TRPM8: variants seen among roughly 807,000 people sequenced by gnomAD.
TRPM8 encodes TRPM8 cationic channel.
TRPM8 carries 110 observed loss-of-function variants against 133.7 expected under a neutral mutation model. The observed-to-expected ratio is 0.82, with a 90% confidence interval of 0.70 to 0.96. The LOEUF (loss-of-function observed/expected upper bound fraction) is 0.96, where lower values mean the gene tolerates loss of function less well. TRPM8 is among the 40% of genes least tolerant of loss of function. The pLI is 0.00. For synonymous variants in TRPM8, 535 were observed against 532.3 expected (o/e 1.01, Z -0.07); for missense variants, 1,291 against 1,379.5 (o/e 0.94, Z 1.02).
At chr2:233,962,893 T>C (rs930687244) in intron 12 of TRPM8, among the ~76,000 whole-genome samples, 1 of 152,192 alleles carries the variant, frequency 6.6e-6, no homozygotes, top group Non-Finnish European at 1.5e-5. Flanking sequence ...CAGTTTTATG[T>C]TGGGATAATT....
chr2:233,959,576 G>A (rs967416181), intron 11 of TRPM8, among the ~76,000 whole-genome samples: 5 of 152,110 alleles, frequency 3.3e-5, no homozygotes, highest in African/African-American at 1.2e-4. Context: ...CTCCCAAAGT[G>A]CTGGGATTAC....
At chr2:233,927,766 CTTT>C (rs1559516025) in intron 2 of TRPM8, among the ~76,000 whole-genome samples, 52 of 70,090 alleles carry the variant, frequency 7.4e-4, no homozygotes, top group African/African-American at 4.7e-3. Context: ...TTCTTTCTTT[CTTT>C]CTTTCTTTCT....
At chr2:233,981,380 T>C (rs1312724267) in intron 18 of TRPM8, among the ~76,000 whole-genome samples, 1 of 152,068 alleles carries the variant, frequency 6.6e-6, no homozygotes, top group Admixed American at 6.6e-5. Flanking sequence ...TAAGTTTCAT[T>C]AGGGGAAAGC....
intron 12 of TRPM8, among the ~76,000 whole-genome samples, chr2:233,962,870 A>G (rs1184633022): frequency 1.3e-5 from 2 of 152,224 alleles, no homozygotes; most frequent in Non-Finnish European, 2.9e-5. Flanking sequence ...TAACAGTCCA[A>G]AGAAATAAGC....
At chr2:233,970,092 G>A in intron 16 of TRPM8, 118 bp from the exon 17 acceptor site, 2 of 960,076 alleles carry the variant, frequency 2.1e-6, no homozygotes, top group Non-Finnish European at 3.4e-6. Context: ...ACACGGTTTT[G>A]CTCCCGTCTC....
chr2:233,966,477 C>A (rs1691577955), intron 14 of TRPM8, 133 bp from the exon 15 acceptor site: 1 of 1,109,390 alleles, frequency 9.0e-7, no homozygotes, highest in African/African-American at 1.5e-5. Flanking sequence ...ATGGCATTTT[C>A]TATGCCTTTT....
intron 9 of TRPM8, among the ~76,000 whole-genome samples, chr2:233,951,374 A>G (rs2125133364): frequency 6.6e-6 from 1 of 152,328 alleles, no homozygotes; most frequent in Admixed American, 6.5e-5. Flanking sequence ...GAATAAATTC[A>G]GTGGTCAGTT....
intron 1 of TRPM8, among the ~76,000 whole-genome samples, chr2:233,918,357 T>C (rs140985716): frequency 0.034 from 5,091 of 149,964 alleles, 150 homozygotes; most frequent in Admixed American, 0.078. Context: ...TATAATTACA[T>C]TATAAATTAT....
At chr2:233,983,030 G>C (rs28902204) in intron 19 of TRPM8, 23 bp from the exon 20 acceptor site, 1 of 1,603,296 alleles carries the variant, frequency 6.2e-7, no homozygotes, top group Non-Finnish European at 8.5e-7. Context: ...TCCTGACTCC[G>C]CTCTCCTGTC....
At chr2:233,971,323 C>T (rs1305627061) in intron 17 of TRPM8, among the ~76,000 whole-genome samples, 5 of 152,170 alleles carry the variant, frequency 3.3e-5, no homozygotes, top group African/African-American at 1.2e-4. Flanking sequence ...AGTTTCATGC[C>T]AACTCTGACA....
chr2:233,942,573 C>T lies in TRPM8; in HGVS notation c.527-3C>T. The T allele has an allele frequency of 6.2e-7, 1 of 1,614,170 alleles. No individual in the cohort carries two copies. The highest frequency in any genetic ancestry group is 8.5e-7 in the Non-Finnish European group (1 of 1,180,028). The stretch of plus-strand genomic sequence containing the variant: ...ACCATTTACTCTTCCTATTTGTTGA[C>T]AGGTGCTTGGATTCTCACGGGAGGC... On this transcript the variant is annotated splice_polypyrimidine_tract_variant and splice_region_variant and intron_variant, in intron 5 of 25. Coordinates refer to ENST00000324695, the MANE Select transcript of TRPM8 (RefSeq NM_024080.5).
At chr2:233,920,505 C>T (rs918715699) in intron 1 of TRPM8, among the ~76,000 whole-genome samples, 1 of 152,208 alleles carries the variant, frequency 6.6e-6, no homozygotes, top group Non-Finnish European at 1.5e-5. Context: ...TTTGGGCCTG[C>T]CATGGAGATA....
intron 22 of TRPM8, among the ~76,000 whole-genome samples, chr2:234,001,402 A>C (rs989526550): frequency 5.9e-5 from 9 of 152,352 alleles, no homozygotes; most frequent in Admixed American, 3.9e-4. Flanking sequence ...GACGGCCCCC[A>C]GAAACCAATG....
chr2:233,964,893 C>A (rs1224470775), intron 14 of TRPM8, 136 bp downstream of exon 14: 5 of 861,618 alleles, frequency 5.8e-6, no homozygotes, highest in Non-Finnish European at 8.3e-6. Flanking sequence ...GGGCTGCAGA[C>A]CACAAGGTCT....
intron 5 of TRPM8, among the ~76,000 whole-genome samples, chr2:233,940,471 T>C (rs1000327627): frequency 6.6e-6 from 1 of 152,280 alleles, no homozygotes; most frequent in African/African-American, 2.4e-5. Context: ...AACATACACT[T>C]ATTGGATGCC....
At chr2:233,929,528 G>A (rs1691640943) in intron 2 of TRPM8, among the ~76,000 whole-genome samples, 1 of 152,242 alleles carries the variant, frequency 6.6e-6, no homozygotes, top group South Asian at 2.1e-4. Context: ...CCAACTGTGT[G>A]TAAAGTTGTC....
chr2:233,936,835 T>A (rs961193107), intron 3 of TRPM8, among the ~76,000 whole-genome samples: 2 of 151,942 alleles, frequency 1.3e-5, no homozygotes, highest in African/African-American at 4.8e-5. Flanking sequence ...AGCTTGTTCA[T>A]GAAGGGACAA....
At chr2:233,946,789 C>A (rs1691054104) in intron 7 of TRPM8, among the ~76,000 whole-genome samples, 1 of 152,218 alleles carries the variant, frequency 6.6e-6, no homozygotes, top group African/African-American at 2.4e-5. Flanking sequence ...TAAGGATAAA[C>A]TTAAACCTAG....
chr2:233,954,761 A>G (rs1160633099), intron 10 of TRPM8, among the ~76,000 whole-genome samples: 1 of 152,242 alleles, frequency 6.6e-6, no homozygotes, highest in African/African-American at 2.4e-5. Context: ...GACAAGAATG[A>G]CATTGTTGTA....
Sources: allele counts gnomAD v4.1 joint callset (sites outside exome capture counted in the v4.1 genomes callset), GRCh38; gene constraint gnomAD v4.1.1; transcripts MANE v1.5; gene names NCBI Gene and HGNC (gene_info 2026-07-23, HGNC 2026-07-21).